The following NAV2 variants were observed in gnomAD, a reference collection of about 807,000 sequenced individuals.
NAV2 encodes the protein helicase, APC down-regulated 1.
A neutral mutation model predicts 223.2 loss-of-function variants in NAV2; 54 were observed. The ratio of observed to expected loss-of-function variants is 0.24; its 90% CI spans 0.19 to 0.30. The LOEUF is 0.30. NAV2 is among the 10% of genes least tolerant of loss of function. The pLI is 1.00. For missense variants in NAV2, 2,806 were observed against 3,147.5 expected, an observed-to-expected ratio of 0.89 and a Z score of 2.60; for synonymous variants, 1,279 against 1,239.3, an observed-to-expected ratio of 1.03 and a Z score of -0.67.
chr11:19,460,147 T>C (rs1852102885), intron 1 of NAV2, among the ~76,000 whole-genome samples: 1 of 152,224 alleles, frequency 6.6e-6, no homozygotes, highest in African/African-American at 2.4e-5. Context: ...GCATGGTGTT[T>C]CACACATAGT....
chr11:19,717,612 GT>G (rs906489666), intron 1 of NAV2, among the ~76,000 whole-genome samples: 15 of 152,198 alleles, frequency 9.9e-5, no homozygotes, highest in Non-Finnish European at 1.8e-4. Flanking sequence ...CTTTCAAAAG[GT>G]GATGAAGAGA....
intron 1 of NAV2, among the ~76,000 whole-genome samples, chr11:19,602,750 C>T (rs2046381383): frequency 6.6e-6 from 1 of 152,206 alleles, no homozygotes; most frequent in Non-Finnish European, 1.5e-5. Flanking sequence ...CTGGCCCCCT[C>T]CTCTGTATCT....
At chr11:19,455,945 C>T (rs1344868137) in intron 1 of NAV2, among the ~76,000 whole-genome samples, 5 of 152,212 alleles carry the variant, frequency 3.3e-5, no homozygotes, top group Non-Finnish European at 7.3e-5. Context: ...CATCCTTCCT[C>T]CCCAGCTGTG....
intron 6 of NAV2, among the ~76,000 whole-genome samples, chr11:19,902,639 C>T (rs1028029274): frequency 2.0e-5 from 3 of 152,292 alleles, no homozygotes; most frequent in Non-Finnish European, 4.4e-5. Context: ...CCATCTGTTA[C>T]GTGGAAACTA....
chr11:20,088,930 A>G (rs934916983), intron 26 of NAV2, among the ~76,000 whole-genome samples: 2 of 152,066 alleles, frequency 1.3e-5, no homozygotes, highest in African/African-American at 4.8e-5. Context: ...TTTACACTCC[A>G]TTTAAACCAA....
At chr11:19,428,171 G>A (rs1850907178) in intron 1 of NAV2, among the ~76,000 whole-genome samples, 1 of 152,164 alleles carries the variant, frequency 6.6e-6, no homozygotes, top group Admixed American at 6.5e-5. Context: ...AAACCCAGAA[G>A]TCAGGGTTTT....
At chr11:19,974,659 G>A (rs12787902) in intron 10 of NAV2, among the ~76,000 whole-genome samples, 1 of 152,296 alleles carries the variant, frequency 6.6e-6, no homozygotes. Flanking sequence ...TGCGCCTGTA[G>A]TCCCAGCTGC....
chr11:19,497,882 G>A (rs2042847700), intron 1 of NAV2, among the ~76,000 whole-genome samples: 1 of 152,130 alleles, frequency 6.6e-6, no homozygotes, highest in African/African-American at 2.4e-5. Context: ...AAGTGGCTTG[G>A]AACAGCAGAC....
intron 1 of NAV2, among the ~76,000 whole-genome samples, chr11:19,768,435 C>A (rs529253709): frequency 6.6e-6 from 1 of 152,046 alleles, no homozygotes; most frequent in Admixed American, 6.5e-5. Flanking sequence ...TTCTGGGCAC[C>A]CCTCCGAGAA....
intron 10 of NAV2, among the ~76,000 whole-genome samples, chr11:19,983,072 A>T (rs1357881076): frequency 1.3e-5 from 2 of 152,178 alleles, no homozygotes; most frequent in Non-Finnish European, 2.9e-5. Context: ...GGGGCCCATA[A>T]GGGATTGAAG....
Position 20,048,860 on chromosome 11 carries a change from C to T in NAV2, c.4035C>T (p.Gly1345=). The part of the protein sequence containing the change: ...QGNLDSPSGS[G]VLSSGSSSPL... The stretch of plus-strand genomic sequence containing the variant: ...ACCTAGACTCCCCGTCAGGCAGTGG[C>T]GTCCTGAGCAGTGGGAGCAGCAGTC... Residue 1345 remains glycine (G), a synonymous_variant, in exon 15 of 38, where the codon GGC becomes GGT. Transcript: ENST00000349880. 13 of 1,614,172 alleles carry T rather than the reference C, an allele frequency of 8.1e-6. No individual in the cohort carries two copies. In the South Asian group the frequency reaches 1.1e-4, roughly 14 times the overall value.
chr11:19,662,876 C>A (rs868314288), intron 1 of NAV2, among the ~76,000 whole-genome samples: 1 of 152,330 alleles, frequency 6.6e-6, no homozygotes, highest in East Asian at 1.9e-4. Context: ...ACATGGGACC[C>A]AGATGATGCC....
At chr11:19,618,404 G>GTATGAATGAATA (rs1253231516) in intron 1 of NAV2, among the ~76,000 whole-genome samples, 37 of 37,082 alleles carry the variant, frequency 1.0e-3, no homozygotes, top group African/African-American at 1.4e-3. Context: ...ATGAATAGAT[G>GTATGAATGAATA]GATGGATGGA....
At chr11:19,646,162 T>C (rs1353087832) in intron 1 of NAV2, among the ~76,000 whole-genome samples, 1 of 152,224 alleles carries the variant, frequency 6.6e-6, no homozygotes, top group Non-Finnish European at 1.5e-5. Flanking sequence ...GGCTGGGGGC[T>C]TCAGCCCCAT....
intron 1 of NAV2, chr11:19,502,865 C>A (rs867325843): frequency 2.0e-5 from 3 of 152,090 alleles, no homozygotes; most frequent in African/African-American, 7.2e-5. Context: ...TTTCAAATAG[C>A]GGAGAATACA....
chr11:19,751,213 G>A (rs528819301), intron 1 of NAV2, among the ~76,000 whole-genome samples: 1 of 152,276 alleles, frequency 6.6e-6, no homozygotes, highest in East Asian at 1.9e-4. Flanking sequence ...CTTACCCAAG[G>A]GCACACAGCA....
chr11:20,112,624 C>T (rs1261203263), intron 36 of NAV2, among the ~76,000 whole-genome samples: 2 of 152,178 alleles, frequency 1.3e-5, no homozygotes, highest in Non-Finnish European at 2.9e-5. Flanking sequence ...CGTCTCCCTG[C>T]TCTGGGTCTG....
At chr11:19,836,268 C>G (rs2060224841) in intron 2 of NAV2, among the ~76,000 whole-genome samples, 2 of 152,208 alleles carry the variant, frequency 1.3e-5, no homozygotes, top group African/African-American at 2.4e-5. Flanking sequence ...TTTAAAAGCT[C>G]CGATCTGGGC....
At chr11:20,030,333 TA>T (rs1450464338) in intron 11 of NAV2, among the ~76,000 whole-genome samples, 1 of 152,218 alleles carries the variant, frequency 6.6e-6, no homozygotes, top group African/African-American at 2.4e-5. Context: ...TTTAATACTT[TA>T]AAAAATATCT....
Sources: gnomAD v4.1 joint callset for allele counts (sites outside exome capture counted in the v4.1 genomes callset) on GRCh38, gnomAD v4.1.1 for gene constraint, MANE v1.5 for transcripts, NCBI Gene and HGNC (gene_info 2026-07-23, HGNC 2026-07-21) for gene names.